The following HPSE2 variants were observed in gnomAD, a reference collection of about 807,000 sequenced individuals.
HPSE2 encodes inactive heparanase-2.
HPSE2 carries 38 observed loss-of-function variants against 60.5 expected under a neutral mutation model. The ratio of observed to expected loss-of-function variants is 0.63; its 90% CI spans 0.48 to 0.82. The LOEUF (loss-of-function observed/expected upper bound fraction) is 0.82, where lower values mean the gene tolerates loss of function less well. Ranked by LOEUF, HPSE2 falls within the 40% of genes least tolerant of loss-of-function variation. HPSE2 has a pLI of 0.00. For missense variants in HPSE2, 713 were observed against 740.4 expected, an observed-to-expected ratio of 0.96 and a Z score of 0.43; for synonymous variants, 295 against 293.2, an observed-to-expected ratio of 1.01 and a Z score of -0.06.
intron 3 of HPSE2, among the ~76,000 whole-genome samples, chr10:99,074,637 T>C (rs1262162753): frequency 2.0e-5 from 3 of 152,262 alleles, no homozygotes; most frequent in Non-Finnish European, 4.4e-5. Context: ...TCAGTATTAG[T>C]TCTTCTTTAA....
At chr10:98,881,417 A>C (rs1411753307) in intron 3 of HPSE2, among the ~76,000 whole-genome samples, 2 of 152,084 alleles carry the variant, frequency 1.3e-5, no homozygotes, top group African/African-American at 4.8e-5. Flanking sequence ...ATCCAAAACT[A>C]TCTGAACAGG....
At chr10:99,088,280 G>C (rs568078370) in intron 3 of HPSE2, among the ~76,000 whole-genome samples, 60 of 152,164 alleles carry the variant, frequency 3.9e-4, no homozygotes, top group Admixed American at 1.2e-3. Context: ...CTTTAGTGGT[G>C]ATTTCTGAGA....
At chr10:98,669,611 T>A (rs1947454582) in intron 6 of HPSE2, among the ~76,000 whole-genome samples, 1 of 152,172 alleles carries the variant, frequency 6.6e-6, no homozygotes, top group Non-Finnish European at 1.5e-5. Context: ...TTATCCTAAG[T>A]GAATTAACAC....
intron 3 of HPSE2, among the ~76,000 whole-genome samples, chr10:98,801,150 A>T (rs1237961665): frequency 6.6e-6 from 1 of 152,258 alleles, no homozygotes; most frequent in East Asian, 1.9e-4. Context: ...GCATTTGATT[A>T]CATTTAACAT....
chr10:98,619,629 C>A (rs1330018704), intron 8 of HPSE2, among the ~76,000 whole-genome samples: 1 of 152,144 alleles, frequency 6.6e-6, no homozygotes, highest in Non-Finnish European at 1.5e-5. Flanking sequence ...CTCATTGCAT[C>A]CTCACAGATA....
At chr10:98,462,166 GTTC>G (rs1299622375) in intron 11 of HPSE2, among the ~76,000 whole-genome samples, 6 of 152,032 alleles carry the variant, frequency 3.9e-5, no homozygotes, top group Admixed American at 2.0e-4. Flanking sequence ...TGTTGTTGTT[GTTC>G]TTTTTATTTT....
rs761291886 is a variant in HPSE2, at chr10:99,144,238, C to A, written c.610G>T (p.Ala204Ser). The A allele has an allele frequency of 6.2e-7, 1 of 1,613,698 alleles. No individual in the cohort carries two copies. The highest frequency in any genetic ancestry group is 1.1e-5 in the South Asian group (1 of 91,072). ...SNTYSNLILT[A>S]RSLDKLYNFA... ...TTTCAACCAACTCCAATAGCCTTAC[C>A]TGTTAATATGAGATTACTGTAAGTA... The change falls in exon 3 of 12, where the codon GCC (alanine) becomes TCC (serine). Residue 204 changes from alanine (A) to serine (S), a missense_variant and splice_region_variant. Transcript: ENST00000370552.
chr10:98,739,403 T>G (rs1008987893), intron 4 of HPSE2, among the ~76,000 whole-genome samples: 26 of 149,708 alleles, frequency 1.7e-4, no homozygotes, highest in Admixed American at 6.7e-4. Context: ...CAAACCACCA[T>G]GGCACATGTA....
intron 3 of HPSE2, among the ~76,000 whole-genome samples, chr10:99,091,390 T>A (rs1017096971): frequency 6.6e-6 from 1 of 152,148 alleles, no homozygotes; most frequent in East Asian, 1.9e-4. Flanking sequence ...AGCCACTTAG[T>A]TGGTACCTGC....
chr10:98,636,867 TCA>T (rs753785243), intron 7 of HPSE2, among the ~76,000 whole-genome samples: 3 of 152,290 alleles, frequency 2.0e-5, no homozygotes, highest in East Asian at 3.9e-4. Flanking sequence ...AAGACACAAA[TCA>T]CAGAGTCCAA....
chr10:99,098,610 CT>C (rs1843808931), intron 3 of HPSE2, among the ~76,000 whole-genome samples: 1 of 152,170 alleles, frequency 6.6e-6, no homozygotes, highest in South Asian at 2.1e-4. Flanking sequence ...CAAAAATCAT[CT>C]GTTCCATTTA....
intron 9 of HPSE2, among the ~76,000 whole-genome samples, chr10:98,512,702 A>C (rs1014691726): frequency 6.6e-6 from 1 of 151,716 alleles, no homozygotes; most frequent in African/African-American, 2.4e-5. Flanking sequence ...CTGGCCTTTC[A>C]TGCTTAAGGA....
At chr10:99,153,977 C>T (rs1335326295) in intron 2 of HPSE2, among the ~76,000 whole-genome samples, 3 of 151,552 alleles carry the variant, frequency 2.0e-5, no homozygotes, top group Admixed American at 6.6e-5. Context: ...GGAGCTGATG[C>T]GATCAAATGG....
chr10:98,774,124 C>T (rs1385365828), intron 3 of HPSE2, among the ~76,000 whole-genome samples: 2 of 152,060 alleles, frequency 1.3e-5, no homozygotes, highest in Non-Finnish European at 2.9e-5. Flanking sequence ...AATATATATA[C>T]TTAAAACATA....
chr10:99,180,683 G>A (rs537134551), intron 2 of HPSE2, among the ~76,000 whole-genome samples: 2 of 151,778 alleles, frequency 1.3e-5, no homozygotes, highest in East Asian at 1.9e-4. Flanking sequence ...TCAGGAGTTC[G>A]AGACCAGCCT....
intron 9 of HPSE2, among the ~76,000 whole-genome samples, chr10:98,549,171 C>T (rs775286322): frequency 1.3e-5 from 2 of 151,968 alleles, no homozygotes; most frequent in African/African-American, 4.8e-5. Context: ...TTGCTTATAC[C>T]ACTTACTGTC....
chr10:98,920,776 A>G (rs954647094), intron 3 of HPSE2, among the ~76,000 whole-genome samples: 7 of 152,226 alleles, frequency 4.6e-5, no homozygotes, highest in African/African-American at 1.7e-4. Flanking sequence ...TTTATTTTCA[A>G]CTAAGTGAAT....
At chr10:99,021,822 CAAA>C (rs35445914) in intron 3 of HPSE2, among the ~76,000 whole-genome samples, 153 of 141,898 alleles carry the variant, frequency 1.1e-3, no homozygotes, top group Middle Eastern at 3.6e-3. Flanking sequence ...CTATCTACAC[CAAA>C]AAAAAAAAAA....
At chr10:98,701,725 G>A (rs992426116) in intron 5 of HPSE2, among the ~76,000 whole-genome samples, 2 of 151,942 alleles carry the variant, frequency 1.3e-5, no homozygotes, top group African/African-American at 4.8e-5. Flanking sequence ...ATAAATGAAG[G>A]AGAAATAAAA....
Sources: allele counts gnomAD v4.1 joint callset (sites outside exome capture counted in the v4.1 genomes callset), GRCh38; gene constraint gnomAD v4.1.1; transcripts MANE v1.5; gene names NCBI Gene and HGNC (gene_info 2026-07-23, HGNC 2026-07-21).